The following DIP2A variants were observed in gnomAD, a reference collection of about 807,000 sequenced individuals.
The protein encoded by DIP2A is DIP2 acetate--CoA ligase A.
Under a neutral mutation model 177.4 loss-of-function variants are expected in DIP2A, and 85 were observed. The ratio of observed to expected loss-of-function variants is 0.48; its 90% CI spans 0.40 to 0.57. The LOEUF (loss-of-function observed/expected upper bound fraction) is 0.57, where lower values mean the gene tolerates loss of function less well. DIP2A is among the 20% of genes least tolerant of loss of function. The pLI is 0.00. For synonymous variants in DIP2A, 886 were observed against 881.8 expected (o/e 1.00, Z -0.08); for missense variants, 1,791 against 2,100.2 (o/e 0.85, Z 2.88).
intron 6 of DIP2A, 28 bp from the exon 7 acceptor site, chr21:46,509,229 C>A: frequency 6.2e-7 from 1 of 1,600,282 alleles, no homozygotes. Context: ...GTCCTGGCCT[C>A]AGTGCTCCTC....
rs781241291 is a variant in DIP2A at position 46,476,167 on chromosome 21, C to T, written c.92-8590C>T. ...AGGCTGAGGCAGAATGGTGTGAACC[C>T]GGGAGGCGGAGCTTGCAGTGAGCTG... On this transcript the variant is annotated intron_variant, in intron 1 of 37. Transcript: ENST00000417564. 4.6e-5 allele frequency among the ~76,000 whole-genome samples: 7 copies of T among 151,442 alleles called. No homozygotes were observed. In the South Asian group the frequency reaches 8.3e-4, roughly 18 times the overall value.
At chr21:46,480,275 A>G (rs2056248385) in intron 1 of DIP2A, among the ~76,000 whole-genome samples, 1 of 152,130 alleles carries the variant, frequency 6.6e-6, no homozygotes, top group Non-Finnish European at 1.5e-5. Flanking sequence ...GTGGCAGGCA[A>G]GAGGGCGTGT....
chr21:46,548,912 G>A (rs910557452), intron 21 of DIP2A, among the ~76,000 whole-genome samples: 3 of 152,252 alleles, frequency 2.0e-5, no homozygotes, highest in Non-Finnish European at 4.4e-5. Flanking sequence ...ACTGGCACAA[G>A]ATAACAGTGC....
chr21:46,558,639 T>G, intron 32 of DIP2A: 2 of 536,688 alleles, frequency 3.7e-6, no homozygotes, highest in Non-Finnish European at 6.7e-6. Context: ...CTAATAACTG[T>G]AAGACTCTCT....
rs1314644505 is a variant in DIP2A, at chr21:46,557,798, C to A, written c.3798+45C>A. The A allele has an allele frequency of 6.4e-7, 1 of 1,571,550 alleles. No individual in the cohort carries two copies. The highest frequency in any genetic ancestry group is 1.1e-5 in the South Asian group (1 of 88,266). ...CTTCTGAGTGTGCTGCAGACCACAG[C>A]CCTGGGAAGTTTAAAAACAACAAAA... On this transcript the variant is annotated intron_variant, in intron 31 of 37. Transcript: ENST00000417564. This position sits in a 1 kb window ranked among gnomAD's most constrained non-coding sequence, Gnocchi z 6.0.
chr21:46,464,218 A>T (rs1177603347), intron 1 of DIP2A, among the ~76,000 whole-genome samples: 1 of 151,198 alleles, frequency 6.6e-6, no homozygotes, highest in African/African-American at 2.4e-5. Flanking sequence ...ACATGGTGAA[A>T]CCCCATCTCT....
chr21:46,538,220 C>T (rs527268953), intron 15 of DIP2A, among the ~76,000 whole-genome samples: 1 of 152,204 alleles, frequency 6.6e-6, no homozygotes, highest in South Asian at 2.1e-4. Context: ...TATGGAGCTT[C>T]TAAGAAAAAA....
At chr21:46,470,184 C>T (rs1479245374) in intron 1 of DIP2A, among the ~76,000 whole-genome samples, 1 of 151,182 alleles carries the variant, frequency 6.6e-6, no homozygotes, top group Admixed American at 6.6e-5. Flanking sequence ...ACTAAAAATA[C>T]AAAAAATGGG....
intron 28 of DIP2A, 136 bp from the exon 29 acceptor site, chr21:46,555,846 G>A (rs1169814294): frequency 5.5e-6 from 4 of 730,408 alleles, no homozygotes; most frequent in African/African-American, 3.5e-5. Context: ...GCATCGTCAC[G>A]GCCCCACTCC....
chr21:46,533,807 G>A (rs1248199948), intron 11 of DIP2A, among the ~76,000 whole-genome samples, 160 bp downstream of exon 11: 1 of 152,232 alleles, frequency 6.6e-6, no homozygotes, highest in African/African-American at 2.4e-5. Context: ...CTGGCTTCAT[G>A]TCTCGACCTG....
At chr21:46,465,195 T>G in intron 1 of DIP2A, among the ~76,000 whole-genome samples, 1 of 152,148 alleles carries the variant, frequency 6.6e-6, no homozygotes. Context: ...TCTTGCTGCT[T>G]TTTGTTTTTG....
At chr21:46,548,493 T>A (rs1489114022) in intron 21 of DIP2A, among the ~76,000 whole-genome samples, 2 of 152,088 alleles carry the variant, frequency 1.3e-5, no homozygotes, top group African/African-American at 4.8e-5. Context: ...ATATGTGCCA[T>A]TGGAAGAAGA....
At chr21:46,578,797 G>A in the DIP2A span, among the ~76,000 whole-genome samples, 1 of 152,150 alleles carries the variant, frequency 6.6e-6, no homozygotes, top group Non-Finnish European at 1.5e-5. Context: ...TGCATCCCAG[G>A]GATGAGGCCA....
intron 1 of DIP2A, chr21:46,462,466 T>C (rs1056041666): frequency 3.3e-5 from 5 of 152,212 alleles, no homozygotes; most frequent in Non-Finnish European, 4.4e-5. Context: ...TTATTGACAT[T>C]CCAGGTTTAT....
intron 5 of DIP2A, among the ~76,000 whole-genome samples, chr21:46,501,972 A>G (rs1401713809): frequency 1.3e-5 from 2 of 152,224 alleles, no homozygotes; most frequent in African/African-American, 4.8e-5. Flanking sequence ...ATATTCTGCT[A>G]TGCAGACAGT....
intron 15 of DIP2A, among the ~76,000 whole-genome samples, chr21:46,538,091 G>T (rs147798822): frequency 6.6e-6 from 1 of 152,126 alleles, no homozygotes; most frequent in Non-Finnish European, 1.5e-5. Context: ...CCAGTGCAGG[G>T]GCCAGACTGA....
chr21:46,523,393 ATTTTTTTTTT>A (rs61370008), intron 8 of DIP2A, among the ~76,000 whole-genome samples: 18 of 89,892 alleles, frequency 2.0e-4, no homozygotes, highest in Middle Eastern at 0.011. Flanking sequence ...CGCCTGGCTA[ATTTTTTTTTT>A]TTTTTTTTTT....
chr21:46,535,708 T>C (rs1292020531), intron 13 of DIP2A, among the ~76,000 whole-genome samples: 1 of 152,244 alleles, frequency 6.6e-6, no homozygotes, highest in Non-Finnish European at 1.5e-5. Context: ...ATTAAAAAAG[T>C]TAGATCTTTC....
At chr21:46,517,711 A>T (rs2058650003) in intron 8 of DIP2A, among the ~76,000 whole-genome samples, 1 of 152,228 alleles carries the variant, frequency 6.6e-6, no homozygotes, top group South Asian at 2.1e-4. Context: ...AGGATTCAGC[A>T]CATGTCCTGC....
Sources: allele counts gnomAD v4.1 joint callset (sites outside exome capture counted in the v4.1 genomes callset), GRCh38; gene constraint gnomAD v4.1.1; non-coding constraint Gnocchi (gnomAD v3.1); transcripts MANE v1.5; gene names NCBI Gene and HGNC (gene_info 2026-07-23, HGNC 2026-07-21).